Variants in KALRN observed in about 807,000 individuals in gnomAD.
The protein encoded by KALRN is kalirin.
A neutral mutation model predicts 353.7 loss-of-function variants in KALRN; 70 were observed. The observed-to-expected ratio is 0.20, with a 90% CI of 0.16 to 0.24. The LOEUF (loss-of-function observed/expected upper bound fraction) is 0.24, where lower values mean the gene tolerates loss of function less well. Among genes scored for constraint, KALRN ranks in the 10% least tolerant of loss-of-function variants. The pLI is 1.00. For missense variants in KALRN, 2,791 were observed against 3,756.7 expected (o/e 0.74, Z 6.72); for synonymous variants, 1,391 against 1,434.8 (o/e 0.97, Z 0.69).
chr3:124,173,604 G>T (rs781574862), intron 1 of KALRN, among the ~76,000 whole-genome samples: 7 of 152,046 alleles, frequency 4.6e-5, no homozygotes, highest in Non-Finnish European at 8.8e-5. Context: ...AGGGACCAAG[G>T]TTTCCTGTGC....
intron 33 of KALRN, among the ~76,000 whole-genome samples, chr3:124,561,329 T>C (rs896156198): frequency 1.3e-5 from 2 of 152,224 alleles, no homozygotes; most frequent in Non-Finnish European, 2.9e-5. Flanking sequence ...GTCCTGCAGA[T>C]TTCCTGATCT....
chr3:124,108,302 C>T (rs547724844), intron 1 of KALRN, among the ~76,000 whole-genome samples: 2 of 152,300 alleles, frequency 1.3e-5, no homozygotes, highest in South Asian at 4.1e-4. Context: ...CTACTCCAGC[C>T]ACCAAAAGGC....
At chr3:124,522,458 A>G (rs1393812108) in intron 33 of KALRN, among the ~76,000 whole-genome samples, 1 of 152,136 alleles carries the variant, frequency 6.6e-6, no homozygotes, top group Non-Finnish European at 1.5e-5. Context: ...AAGTCCCACA[A>G]GCTGCTTCCT....
chr3:124,697,237 TG>T (rs2150632103), intron 54 of KALRN, among the ~76,000 whole-genome samples: 1 of 152,314 alleles, frequency 6.6e-6, no homozygotes, highest in East Asian at 1.9e-4. Flanking sequence ...CCCTGCGACC[TG>T]GGGGAGAAAA....
rs777576720 is a variant in KALRN, at chr3:124,562,891, G to T, written c.4984G>T (p.Gly1662Cys). The change falls in exon 34 of 60, where the codon GGC becomes TGC. Residue 1662 changes from glycine (G) to cysteine (C), a missense_variant. Coordinates refer to ENST00000682506, the MANE Select transcript of KALRN (RefSeq NM_001388419.1). ...AGTGGTCCTCCAGGACTTCAGTGCG[G>T]GCCACAGCAGTGAGCTGACCATCCA... ...LTVVLQDFSA[G>C]HSSELTIQVG... The T allele has an allele frequency of 2.2e-5, 30 of 1,367,562 alleles. No homozygotes were observed. Among genetic ancestry groups the T allele is most frequent in the Non-Finnish European group, 2.4e-5 (25 of 1,021,960 alleles). 84.7% of individuals were successfully genotyped at this position (1,367,562 alleles called of 1,614,324 possible).
At chr3:124,607,386 C>G (rs970926291) in intron 34 of KALRN, among the ~76,000 whole-genome samples, 3 of 152,218 alleles carry the variant, frequency 2.0e-5, no homozygotes, top group Admixed American at 2.0e-4. Flanking sequence ...TATACTGAAT[C>G]ACTGTGGTTA....
intron 1 of KALRN, among the ~76,000 whole-genome samples, chr3:124,173,677 G>A (rs940328235): frequency 3.3e-5 from 5 of 152,220 alleles, no homozygotes; most frequent in Non-Finnish European, 4.4e-5. Flanking sequence ...GTGCAATGGC[G>A]TGATCTTGGC....
chr3:124,452,666 G>A (rs1292683186), intron 21 of KALRN, among the ~76,000 whole-genome samples: 1 of 152,090 alleles, frequency 6.6e-6, no homozygotes, highest in Non-Finnish European at 1.5e-5. Context: ...TACAAAGGTA[G>A]GTGGAGCCGC....
At chr3:124,425,153 G>T (rs1232409387) in intron 15 of KALRN, among the ~76,000 whole-genome samples, 1 of 152,156 alleles carries the variant, frequency 6.6e-6, no homozygotes, top group Non-Finnish European at 1.5e-5. Flanking sequence ...GATAAAGAGA[G>T]GTTGGTTAAT....
At chr3:124,036,321 G>GT (rs2039415265) in intron 1 of KALRN, among the ~76,000 whole-genome samples, 1 of 152,162 alleles carries the variant, frequency 6.6e-6, no homozygotes, top group East Asian at 1.9e-4. Flanking sequence ...GAAGTATTTG[G>GT]TTTTTTGTTC....
At chr3:124,119,413 T>A (rs774831839) in intron 1 of KALRN, among the ~76,000 whole-genome samples, 30 of 152,248 alleles carry the variant, frequency 2.0e-4, no homozygotes, top group Non-Finnish European at 3.8e-4. Context: ...TGCAACAAAT[T>A]ATGCTGTGAA....
At chr3:124,152,197 C>A (rs1390651519) in intron 1 of KALRN, 4 of 1,577,214 alleles carry the variant, frequency 2.5e-6, no homozygotes, top group East Asian at 2.2e-5. Context: ...CAAAGCAATT[C>A]GCTTCTTATT....
intron 17 of KALRN, among the ~76,000 whole-genome samples, chr3:124,437,716 G>T (rs1163214825): frequency 8.8e-5 from 6 of 68,568 alleles, no homozygotes; most frequent in South Asian, 9.5e-4. Flanking sequence ...AAAAAAAAAA[G>T]ACGTTTTTCA....
intron 10 of KALRN, among the ~76,000 whole-genome samples, chr3:124,372,189 T>A (rs916809840): frequency 2.6e-5 from 4 of 152,178 alleles, no homozygotes; most frequent in African/African-American, 9.6e-5. Context: ...TTCATTGGAG[T>A]AATTTCTAAA....
At position 124,183,418 on chromosome 3, in the gene KALRN, A is replaced by C. The variant is rs867836776; in HGVS notation, c.74-44572A>C. ...GAGCAAGAGGCTGGGGAGGTGCTACACTTTACAGTAACCAGATCTCATGAG... is the reference window on the plus strand; with the variant it reads ...GAGCAAGAGGCTGGGGAGGTGCTACCCTTTACAGTAACCAGATCTCATGAG... On this transcript the variant is annotated intron_variant, in intron 1 of 59. Coordinates refer to ENST00000682506, the MANE Select transcript of KALRN (RefSeq NM_001388419.1). 2.6e-5 allele frequency among the ~76,000 whole-genome samples: 4 copies of C among 152,242 alleles called. No homozygotes were observed. In the Middle Eastern group the frequency reaches 0.014, roughly 518 times the overall value.
At chr3:124,287,770 GATATATATATATATATATATATAT>G (rs58694397) in intron 5 of KALRN, among the ~76,000 whole-genome samples, 133 of 114,602 alleles carry the variant, frequency 1.2e-3, no homozygotes, top group Middle Eastern at 5.0e-3. Context: ...GGCCTAGGAA[GATATATATATATATATATATATAT>G]ATATATATAT....
At chr3:124,351,399 C>T (rs918341842) in intron 10 of KALRN, among the ~76,000 whole-genome samples, 9 of 152,124 alleles carry the variant, frequency 5.9e-5, no homozygotes, top group African/African-American at 1.9e-4. Context: ...CTCTTTTAGC[C>T]TTATCATTTA....
chr3:124,153,108 T>A (rs922707532), intron 1 of KALRN: 34 of 155,954 alleles, frequency 2.2e-4, no homozygotes, highest in Non-Finnish European at 3.8e-4. Context: ...TTTTTAATTT[T>A]AATTTTTATT....
In KALRN at chr3:124,555,307, G is replaced by A. The variant is rs550809825; in HGVS notation, c.4936-7536G>A. Among the ~76,000 whole-genome samples, 19 of 152,114 alleles carry A rather than the reference G, an allele frequency of 1.2e-4. No individual in the cohort carries two copies. In the East Asian group the frequency reaches 2.7e-3, roughly 22 times the overall value. On this transcript the variant is annotated intron_variant, in intron 33 of 59. Transcript: ENST00000682506. ...AGCACTTTGCGAGTCCGAGGTGGGC[G>A]GATCACGAGGTCAGGAGAATGGCGT...
Sources: gnomAD v4.1 joint callset for allele counts (sites outside exome capture counted in the v4.1 genomes callset) on GRCh38, gnomAD v4.1.1 for gene constraint, MANE v1.5 for transcripts, NCBI Gene and HGNC (gene_info 2026-07-23, HGNC 2026-07-21) for gene names.